Variants in SCHIP1 observed in about 807,000 individuals in gnomAD.
SCHIP1 encodes schwannomin interacting protein 1.
Under a neutral mutation model 29.7 loss-of-function variants are expected in SCHIP1, and 8 were observed. The ratio of observed to expected loss-of-function variants is 0.27; its 90% CI spans 0.16 to 0.49. SCHIP1 has a LOEUF of 0.49. SCHIP1 is among the 20% of genes least tolerant of loss of function. The pLI is 0.99. For missense variants in SCHIP1, 193 were observed against 294.6 expected (o/e 0.66, Z 2.52); for synonymous variants, 76 against 94.9 (o/e 0.80, Z 1.16).
At chr3:159,599,525 T>C in the SCHIP1 span, among the ~76,000 whole-genome samples, 3,580 of 152,304 alleles carry the variant, frequency 0.024, 130 homozygotes, top group African/African-American at 0.079. Context: ...TCCTGAGTTA[T>C]ATTACTTAGA....
chr3:159,439,677 G>C, the SCHIP1 span, among the ~76,000 whole-genome samples: 1 of 152,178 alleles, frequency 6.6e-6, no homozygotes, highest in South Asian at 2.1e-4. Flanking sequence ...CCACATGTAT[G>C]TCTTCTTTTC....
intron 2 of SCHIP1, among the ~76,000 whole-genome samples, chr3:159,877,446 G>C (rs184051836): frequency 6.6e-6 from 1 of 152,212 alleles, no homozygotes; most frequent in Non-Finnish European, 1.5e-5. Context: ...TCACGACTGC[G>C]TAGAATTCAA....
chr3:159,669,994 A>C, the SCHIP1 span, among the ~76,000 whole-genome samples: 2 of 152,186 alleles, frequency 1.3e-5, no homozygotes, highest in East Asian at 3.9e-4. Context: ...GGGCTCTCTA[A>C]TGAAATGAGA....
At chr3:159,580,794 G>A in the SCHIP1 span, among the ~76,000 whole-genome samples, 1 of 152,178 alleles carries the variant, frequency 6.6e-6, no homozygotes, top group Admixed American at 6.5e-5. Context: ...CAATGGTTTA[G>A]CATTAGTTGG....
the SCHIP1 span, among the ~76,000 whole-genome samples, chr3:159,557,789 G>T: frequency 6.6e-6 from 1 of 152,172 alleles, no homozygotes; most frequent in African/African-American, 2.4e-5. Context: ...GAGTTAAGAA[G>T]AAAAATAAAT....
At chr3:159,461,071 C>G in the SCHIP1 span, among the ~76,000 whole-genome samples, 4 of 151,538 alleles carry the variant, frequency 2.6e-5, no homozygotes, top group Non-Finnish European at 5.9e-5. Context: ...GCCAACACTT[C>G]TGACTCAGAG....
the SCHIP1 span, among the ~76,000 whole-genome samples, chr3:159,769,046 G>T: frequency 6.6e-6 from 1 of 152,184 alleles, no homozygotes; most frequent in African/African-American, 2.4e-5. Context: ...AAGGTTCTGG[G>T]GTTGGTGCCT....
chr3:159,739,003 TG>T, the SCHIP1 span, among the ~76,000 whole-genome samples: 1 of 152,158 alleles, frequency 6.6e-6, no homozygotes, highest in Non-Finnish European at 1.5e-5. Flanking sequence ...GGGTTTCAGC[TG>T]GGGGTGCTGC....
the SCHIP1 span, among the ~76,000 whole-genome samples, chr3:159,731,515 G>T: frequency 1.3e-5 from 2 of 152,194 alleles, no homozygotes; most frequent in African/African-American, 4.8e-5. Flanking sequence ...TTTCGGAAGG[G>T]CTCTCTATCT....
chr3:159,317,546 A>G, the SCHIP1 span, among the ~76,000 whole-genome samples: 1 of 152,196 alleles, frequency 6.6e-6, no homozygotes, highest in Non-Finnish European at 1.5e-5. Context: ...CAGAGCATAC[A>G]TGGTCTTCTG....
chr3:159,673,327 C>A, the SCHIP1 span, among the ~76,000 whole-genome samples: 1 of 152,364 alleles, frequency 6.6e-6, no homozygotes, highest in African/African-American at 2.4e-5. Context: ...ACTTCTCCAG[C>A]ACTTCAAAGA....
chr3:159,491,415 G>A, the SCHIP1 span, among the ~76,000 whole-genome samples: 9 of 152,312 alleles, frequency 5.9e-5, no homozygotes, highest in South Asian at 2.1e-4. Context: ...CTAATACTGC[G>A]CTTTTCCAAC....
the SCHIP1 span, among the ~76,000 whole-genome samples, chr3:159,732,837 C>G: frequency 6.6e-6 from 1 of 152,210 alleles, no homozygotes; most frequent in East Asian, 1.9e-4. Flanking sequence ...TTTCCAGGAG[C>G]TGGAGCTACA....
chr3:159,744,724 T>C, the SCHIP1 span, among the ~76,000 whole-genome samples: 1 of 152,130 alleles, frequency 6.6e-6, no homozygotes, highest in African/African-American at 2.4e-5. Context: ...ACGCCTATAA[T>C]CCCAGCACTT....
At chr3:159,447,580 CA>C in the SCHIP1 span, among the ~76,000 whole-genome samples, 1 of 152,178 alleles carries the variant, frequency 6.6e-6, no homozygotes, top group African/African-American at 2.4e-5. Flanking sequence ...ATATGATTGA[CA>C]GGTATTACCA....
rs189322483 is a variant in SCHIP1 at position 159,890,564 on chromosome 3, C to T, written c.590-1533C>T. 2.0e-3 allele frequency among the ~76,000 whole-genome samples: 311 copies of T among 152,172 alleles called. 4 individuals are homozygous for T. The highest frequency in any genetic ancestry group is 7.2e-3 in the African/African-American group (300 of 41,526). On this transcript the variant is annotated intron_variant, in intron 5 of 6. Transcript: ENST00000445224. ...GGGTCAAACATTTTGATTAAGAAAC[C>T]ATAGATTCACAGGATTTTTTAAAAA...
the SCHIP1 span, among the ~76,000 whole-genome samples, chr3:159,416,257 A>G: frequency 6.6e-6 from 1 of 152,122 alleles, no homozygotes; most frequent in African/African-American, 2.4e-5. Context: ...TGATCTCTCT[A>G]CAGAAGCCTC....
At chr3:159,771,393 G>C in the SCHIP1 span, among the ~76,000 whole-genome samples, 1 of 152,184 alleles carries the variant, frequency 6.6e-6, no homozygotes, top group African/African-American at 2.4e-5. Context: ...TCTGCAGCCT[G>C]GGGCACAGCA....
chr3:159,757,215 A>G, the SCHIP1 span, among the ~76,000 whole-genome samples: 3 of 152,240 alleles, frequency 2.0e-5, no homozygotes, highest in Non-Finnish European at 4.4e-5. Context: ...AAAGAGGTTT[A>G]TTGGACCTAT....
Sources: gnomAD v4.1 joint callset for allele counts (sites outside exome capture counted in the v4.1 genomes callset) on GRCh38, gnomAD v4.1.1 for gene constraint, MANE v1.5 for transcripts, NCBI Gene and HGNC (gene_info 2026-07-23, HGNC 2026-07-21) for gene names.